SLC8A1: variants seen among roughly 807,000 people sequenced by gnomAD.
SLC8A1 encodes the protein solute carrier family 8 member A1.
SLC8A1 carries 18 observed loss-of-function variants against 68.3 expected under a neutral mutation model. That is an observed-to-expected ratio of 0.26 (90% CI 0.18 to 0.39). The LOEUF (loss-of-function observed/expected upper bound fraction) is 0.39. Among genes scored for constraint, SLC8A1 ranks in the 10% least tolerant of loss-of-function variants. The pLI, the probability that SLC8A1 is intolerant of heterozygous loss-of-function variation, is 1.00. For synonymous variants in SLC8A1, 475 were observed against 415.5 expected, an observed-to-expected ratio of 1.14 and a Z score of -1.74; for missense variants, 985 against 1,156.7, an observed-to-expected ratio of 0.85 and a Z score of 2.15.
intron 1 of SLC8A1, among the ~76,000 whole-genome samples, chr2:40,468,863 C>T (rs930829767): frequency 3.3e-5 from 5 of 151,940 alleles, no homozygotes; most frequent in African/African-American, 1.2e-4. Context: ...GTTGTTTAAT[C>T]ATAGGAGTTT....
intron 2 of SLC8A1, among the ~76,000 whole-genome samples, chr2:40,291,977 T>A (rs2069417896): frequency 1.3e-5 from 2 of 151,588 alleles, no homozygotes; most frequent in Admixed American, 1.3e-4. Flanking sequence ...ACCTTTATAA[T>A]CAACGTATGT....
At chr2:40,254,185 A>AAAAAAGAAAATAAAAGCTAATTCCAAC (rs2063486442) in intron 2 of SLC8A1, among the ~76,000 whole-genome samples, 2 of 151,990 alleles carry the variant, frequency 1.3e-5, no homozygotes, top group South Asian at 4.1e-4. Context: ...AATTAATATA[A>AAAAAAGAAAATAAAAGCTAATTCCAAC]AAAAAGAAAA....
intron 2 of SLC8A1, among the ~76,000 whole-genome samples, chr2:40,418,248 A>C (rs1354830374): frequency 6.6e-6 from 1 of 152,158 alleles, no homozygotes; most frequent in Non-Finnish European, 1.5e-5. Context: ...TTCTACACTT[A>C]TATATTCATA....
chr2:40,339,662 A>G (rs1427080314), intron 2 of SLC8A1, among the ~76,000 whole-genome samples: 2 of 152,234 alleles, frequency 1.3e-5, no homozygotes, highest in African/African-American at 2.4e-5. Context: ...AATATCACCA[A>G]TGAATGTCTC....
intron 2 of SLC8A1, among the ~76,000 whole-genome samples, chr2:40,386,698 G>C (rs1057432021): frequency 2.7e-5 from 4 of 150,538 alleles, no homozygotes; most frequent in African/African-American, 7.4e-5. Context: ...GGAAAAGTCA[G>C]TAAGTCCATA....
intron 6 of SLC8A1, among the ~76,000 whole-genome samples, chr2:40,156,440 A>T (rs1012399405): frequency 6.6e-6 from 1 of 151,088 alleles, no homozygotes; most frequent in Non-Finnish European, 1.5e-5. Context: ...ATGCAAATGG[A>T]TATGTCAAAA....
chr2:40,206,275 T>TA (rs1168221779), intron 2 of SLC8A1, among the ~76,000 whole-genome samples: 1 of 152,034 alleles, frequency 6.6e-6, no homozygotes, highest in Non-Finnish European at 1.5e-5. Flanking sequence ...AAAATCAGGG[T>TA]ACTTTCCTCA....
intron 2 of SLC8A1, among the ~76,000 whole-genome samples, chr2:40,251,950 G>GTA (rs1269573363): frequency 5.3e-5 from 8 of 152,088 alleles, no homozygotes; most frequent in African/African-American, 1.9e-4. Flanking sequence ...TGTTTAGAGT[G>GTA]TATAATACCA....
intron 2 of SLC8A1, among the ~76,000 whole-genome samples, chr2:40,277,826 A>ATATT (rs1183243416): frequency 7.3e-6 from 1 of 136,502 alleles, no homozygotes; most frequent in Non-Finnish European, 1.5e-5. Flanking sequence ...ATATATATAT[A>ATATT]TATATTTGTA....
chr2:40,298,002 C>T (rs114952629), intron 2 of SLC8A1, among the ~76,000 whole-genome samples: 2,264 of 152,226 alleles, frequency 0.015, 50 homozygotes, highest in African/African-American at 0.051. Flanking sequence ...GCCTCAGACT[C>T]CTGAGTAGCT....
intron 2 of SLC8A1, among the ~76,000 whole-genome samples, chr2:40,363,886 T>C (rs1278165709): frequency 1.3e-5 from 2 of 152,096 alleles, no homozygotes; most frequent in African/African-American, 2.4e-5. Flanking sequence ...GCAAGACGTT[T>C]TTCCAAGGGA....
intron 2 of SLC8A1, among the ~76,000 whole-genome samples, chr2:40,349,122 C>G (rs1670269898): frequency 1.3e-5 from 2 of 152,206 alleles, no homozygotes; most frequent in South Asian, 4.1e-4. Flanking sequence ...GGAAAGAATC[C>G]TTCATCTAAA....
chr2:40,351,146 A>G (rs764893331), intron 2 of SLC8A1, among the ~76,000 whole-genome samples: 1 of 152,334 alleles, frequency 6.6e-6, no homozygotes, highest in East Asian at 1.9e-4. Flanking sequence ...ATCATATTTT[A>G]TAACATTTGT....
chr2:40,406,259 G>T (rs1213284680), intron 2 of SLC8A1, among the ~76,000 whole-genome samples: 1 of 152,184 alleles, frequency 6.6e-6, no homozygotes, highest in African/African-American at 2.4e-5. Context: ...TTGTTAGGCA[G>T]TGTAAAAATA....
Position 40,333,213 on chromosome 2 carries a change from C to T in SLC8A1, c.1808+95260G>A, listed in dbSNP as rs563803928. Among the ~76,000 whole-genome samples, 387 of 151,968 alleles carry T rather than the reference C, an allele frequency of 2.5e-3. 3 individuals carry two copies. The highest frequency in any genetic ancestry group is 8.7e-3 in the African/African-American group (361 of 41,466). On this transcript the variant is annotated intron_variant, in intron 2 of 7. Transcript: ENST00000406785. ...CAGCACTTTGGGAGGCCAAGGCGGG[C>T]GGATCACGACGTCAGGAGATCGAGA...
chr2:40,430,275 G>T lies in SLC8A1; in HGVS notation c.6C>A (p.Tyr2Ter), dbSNP rs768751346. The T allele has an allele frequency of 1.2e-6, 2 of 1,605,878 alleles. No individual in the cohort carries two copies. The highest frequency in any genetic ancestry group is 1.7e-6 in the Non-Finnish European group (2 of 1,176,242). Residue 2 changes from tyrosine (Y) to a stop codon, truncating the protein, a stop_gained, in exon 2 of 8, where the codon TAC (tyrosine) becomes TAA (stop). Transcript: ENST00000406785. LOFTEE classifies it high-confidence loss of function. ...GTGAAAGACTTAATCGCCGCATGTT[G>T]TACATGACACTTCCAACTGTCACAA...
At chr2:40,238,134 C>G (rs1242993637) in intron 2 of SLC8A1, among the ~76,000 whole-genome samples, 1 of 152,226 alleles carries the variant, frequency 6.6e-6, no homozygotes, top group African/African-American at 2.4e-5. Context: ...GGACTCCACC[C>G]AGTTCGAGCT....
chr2:40,488,582 C>A (rs919278424), intron 1 of SLC8A1, among the ~76,000 whole-genome samples: 1 of 151,932 alleles, frequency 6.6e-6, no homozygotes, highest in Admixed American at 6.6e-5. Flanking sequence ...TTGAGCAAAA[C>A]CAACTCCATG....
At chr2:40,490,366 C>A (rs1705233472) in intron 1 of SLC8A1, among the ~76,000 whole-genome samples, 1 of 152,068 alleles carries the variant, frequency 6.6e-6, no homozygotes, top group Non-Finnish European at 1.5e-5. Context: ...TGTCATATAG[C>A]TTTCAGATCA....
Sources: gnomAD v4.1 joint callset for allele counts (sites outside exome capture counted in the v4.1 genomes callset) on GRCh38, gnomAD v4.1.1 for gene constraint, MANE v1.5 for transcripts, NCBI Gene and HGNC (gene_info 2026-07-23, HGNC 2026-07-21) for gene names.